Variants in ARID5B observed in about 807,000 individuals in gnomAD.
ARID5B encodes AT-rich interactive domain-containing protein 5B.
In ARID5B, 13 loss-of-function variants were observed where a neutral mutation model predicts 97.2. That is an observed-to-expected ratio of 0.13 (90% CI 0.09 to 0.21). The LOEUF (loss-of-function observed/expected upper bound fraction) is 0.21, where lower values mean the gene tolerates loss of function less well. Among genes scored for constraint, ARID5B ranks in the 10% least tolerant of loss-of-function variants. The pLI is 1.00. For missense variants in ARID5B, 1,210 were observed against 1,465.3 expected, an observed-to-expected ratio of 0.83 and a Z score of 2.84; for synonymous variants, 556 against 570.3, an observed-to-expected ratio of 0.97 and a Z score of 0.36.
Position 62,000,842 on chromosome 10 carries a change from T to TAGAC in ARID5B, c.733+524_733+525insCAGA, listed in dbSNP as rs1385047459. Among the ~76,000 whole-genome samples the TAGAC allele has an allele frequency of 6.6e-6, 1 of 151,228 alleles. No homozygotes were observed. Among genetic ancestry groups the TAGAC allele is most frequent in the Non-Finnish European group, 1.5e-5 (1 of 67,850 alleles). On this transcript the variant is annotated intron_variant, in intron 4 of 9. Coordinates refer to ENST00000279873, the MANE Select transcript of ARID5B (RefSeq NM_032199.3). This position sits in a 1 kb window ranked among gnomAD's most constrained non-coding sequence, Gnocchi z 4.4. ...GACACGTAGAGAGATGATAGATAGATAGATAGATAGATAGATAGATAGATA... is the reference window on the plus strand; with the variant it reads ...GACACGTAGAGAGATGATAGATAGATAGACAGATAGATAGATAGATAGATAGATA...
chr10:62,005,483 A>G (rs1221032132), intron 4 of ARID5B, among the ~76,000 whole-genome samples: 4 of 152,242 alleles, frequency 2.6e-5, no homozygotes, highest in Non-Finnish European at 5.9e-5. Flanking sequence ...TCAATCATGA[A>G]GGAACCCAAT....
At chr10:62,005,944 A>T (rs1406956882) in intron 4 of ARID5B, among the ~76,000 whole-genome samples, 1 of 152,160 alleles carries the variant, frequency 6.6e-6, no homozygotes, top group Non-Finnish European at 1.5e-5. Flanking sequence ...GTCCACATTC[A>T]TACTTTCTCT....
chr10:61,931,724 TGAA>T (rs1028056207), intron 2 of ARID5B, among the ~76,000 whole-genome samples: 2 of 152,314 alleles, frequency 1.3e-5, no homozygotes, highest in African/African-American at 4.8e-5. Flanking sequence ...AGTTAGCACC[TGAA>T]GAAGATGTTT....
chr10:61,965,244 T>A (rs1838528427), intron 3 of ARID5B, among the ~76,000 whole-genome samples: 1 of 152,226 alleles, frequency 6.6e-6, no homozygotes. Context: ...GAACATTGTA[T>A]GTTCAGAGTT....
intron 3 of ARID5B, among the ~76,000 whole-genome samples, chr10:61,988,067 A>G (rs115216376): frequency 0.011 from 1,607 of 152,324 alleles, 32 homozygotes; most frequent in African/African-American, 0.036. Context: ...AACCCTGTAC[A>G]AAAAGGAAGT....
chr10:62,081,045 C>T (rs1209229151), intron 8 of ARID5B, among the ~76,000 whole-genome samples: 2 of 152,064 alleles, frequency 1.3e-5, no homozygotes, highest in East Asian at 1.9e-4. Context: ...CCAAGTGATC[C>T]GACTGCCTCC....
chr10:61,930,751 A>AAATAAATAAATAAATT, intron 2 of ARID5B, among the ~76,000 whole-genome samples: 1 of 151,680 alleles, frequency 6.6e-6, no homozygotes. Flanking sequence ...ATAAATAAAT[A>AAATAAATAAATAAATT]AGATACAGGT....
Position 62,092,657 on chromosome 10 carries a change from G to C in ARID5B, c.3194G>C (p.Gly1065Ala), listed in dbSNP as rs749976442. Residue 1065 changes from glycine (G) to alanine (A), a missense_variant, in exon 10 of 10, where the codon GGA becomes GCA. Gly to Ala is a moderately conservative substitution (Grantham distance 60, BLOSUM62 0). Coordinates refer to ENST00000279873, the MANE Select transcript of ARID5B (RefSeq NM_032199.3). Reference protein sequence around the residue: ...KAAHGGHSGGGSEGHKLPLSS... With the variant: ...KAAHGGHSGGASEGHKLPLSS... ...GCGCACGGTGGGCATTCCGGGGGCG[G>C]ATCAGAAGGCCACAAGCTTCCCCTC... The C allele has an allele frequency of 6.2e-7, 1 of 1,614,050 alleles. No homozygotes were observed.
rs1479246456 is a variant in ARID5B at position 62,057,325 on chromosome 10, A to G, written c.1048+7A>G. The G allele has an allele frequency of 2.5e-6, 4 of 1,608,566 alleles. No homozygotes were observed. The highest frequency in any genetic ancestry group is 2.7e-5 in the African/African-American group (2 of 74,254). ...TATTTAGGTTTTAAACAGAGTGAGT[A>G]TACTTGTTTTCGTTTCTGAATTATC... On this transcript the variant is annotated splice_region_variant and intron_variant, in intron 6 of 9. Coordinates refer to ENST00000279873, the MANE Select transcript of ARID5B (RefSeq NM_032199.3).
At chr10:61,996,529 GA>G (rs1008458274) in intron 3 of ARID5B, among the ~76,000 whole-genome samples, 4 of 151,124 alleles carry the variant, frequency 2.6e-5, no homozygotes, top group Non-Finnish European at 4.4e-5. Flanking sequence ...ATCTCTTAAA[GA>G]AAAAAAAGGA....
intron 3 of ARID5B, among the ~76,000 whole-genome samples, chr10:61,995,023 T>G (rs954859292): frequency 1.1e-4 from 17 of 152,200 alleles, no homozygotes; most frequent in African/African-American, 4.1e-4. Context: ...ATTTCAGTCT[T>G]GGTTACTAGC....
intron 4 of ARID5B, among the ~76,000 whole-genome samples, chr10:62,005,801 C>T (rs1316946185): frequency 1.3e-5 from 2 of 152,162 alleles, no homozygotes; most frequent in Non-Finnish European, 2.9e-5. Flanking sequence ...ACATGTTTTG[C>T]TGGAAATGAA....
intron 2 of ARID5B, among the ~76,000 whole-genome samples, chr10:61,925,314 T>C (rs1195340801): frequency 1.3e-5 from 2 of 152,200 alleles, no homozygotes; most frequent in Non-Finnish European, 2.9e-5. Context: ...TTTGCTTTTA[T>C]TGGGTGTTCT....
At chr10:61,911,398 T>G (rs1843801366) in intron 2 of ARID5B, among the ~76,000 whole-genome samples, 1 of 152,220 alleles carries the variant, frequency 6.6e-6, no homozygotes, top group South Asian at 2.1e-4. Flanking sequence ...AATTTTTTAT[T>G]AATAGTCAAA....
chr10:61,998,952 T>C (rs1839039492), intron 3 of ARID5B, among the ~76,000 whole-genome samples: 1 of 152,248 alleles, frequency 6.6e-6, no homozygotes, highest in Non-Finnish European at 1.5e-5. Flanking sequence ...ATGTTAATTT[T>C]ACTCCAAGAC....
At chr10:62,033,151 C>T (rs960195751) in intron 4 of ARID5B, among the ~76,000 whole-genome samples, 4 of 152,156 alleles carry the variant, frequency 2.6e-5, no homozygotes, top group African/African-American at 7.2e-5. Context: ...TTTCTAGATA[C>T]AGGGGATTCC....
intron 3 of ARID5B, among the ~76,000 whole-genome samples, chr10:61,987,069 G>A (rs1298800482): frequency 1.3e-5 from 2 of 152,236 alleles, no homozygotes; most frequent in East Asian, 3.8e-4. Context: ...GGGTGGAGCT[G>A]TGGCCTTGGC....
chr10:62,083,067 TCTCACACA>T (rs893745899), intron 8 of ARID5B, among the ~76,000 whole-genome samples: 33 of 151,932 alleles, frequency 2.2e-4, no homozygotes, highest in South Asian at 1.5e-3. Flanking sequence ...ACACACACTC[TCTCACACA>T]CTCACACACT....
chr10:62,043,239 A>G lies in ARID5B; in HGVS notation c.734-7649A>G, dbSNP rs142187109. On this transcript the variant is annotated intron_variant, in intron 4 of 9. Transcript: ENST00000279873. ...CCAGAATTCTCCCCTTAGAGAGTCA[A>G]TCCTCTGAAAAGCCAGACTGTCTCC... Among the ~76,000 whole-genome samples, 29 of 152,300 alleles carry G rather than the reference A, an allele frequency of 1.9e-4. No individual in the cohort carries two copies. The East Asian group carries it at 4.6e-3, about 24-fold the overall frequency.
Sources: gnomAD v4.1 joint callset for allele counts (sites outside exome capture counted in the v4.1 genomes callset) on GRCh38, gnomAD v4.1.1 for gene constraint, Gnocchi (gnomAD v3.1) non-coding constraint, MANE v1.5 for transcripts, NCBI Gene and HGNC (gene_info 2026-07-23, HGNC 2026-07-21) for gene names.